ARHGAP18: variants seen among roughly 807,000 people sequenced by gnomAD.
ARHGAP18 encodes the protein Rho GTPase activating protein 18, also known as rho GTPase-activating protein 18.
In ARHGAP18, 67 loss-of-function variants were observed where a neutral mutation model predicts 86.2. The observed-to-expected ratio is 0.78, with a 90% CI of 0.64 to 0.95. ARHGAP18 has a LOEUF of 0.95. ARHGAP18 is among the 40% of genes least tolerant of loss of function. The pLI is 0.00. For synonymous variants in ARHGAP18, 283 were observed against 280.4 expected (o/e 1.01, Z -0.09); for missense variants, 691 against 780.4 (o/e 0.89, Z 1.37).
At chr6:129,619,601 G>A (rs998009384) in intron 5 of ARHGAP18, among the ~76,000 whole-genome samples, 9 of 118,942 alleles carry the variant, frequency 7.6e-5, no homozygotes, top group Non-Finnish European at 1.6e-4. Flanking sequence ...CAGGGAAGGG[G>A]AGAGGGAAAA....
At position 129,599,261 on chromosome 6, in the gene ARHGAP18, A is replaced by G. The variant is rs1369262971; in HGVS notation, c.1668T>C (p.Ala556=). The change falls in exon 12 of 15, where the codon GCT becomes GCC. Residue 556 remains alanine (A), a synonymous_variant. Transcript: ENST00000368149. ...RAMKKLLKKM[A]YDREKYEKQD... ...GCTTTTCATATTTTTCTCGGTCATA[A>G]GCCATTTTCTTCAGCAATTTCTTCA... 1 of 1,592,752 alleles carries G rather than the reference A, an allele frequency of 6.3e-7. No individual in the cohort carries two copies. The highest frequency in any genetic ancestry group is 8.5e-7 in the Non-Finnish European group (1 of 1,172,762).
At chr6:129,660,492 G>A (rs1433101112) in intron 1 of ARHGAP18, among the ~76,000 whole-genome samples, 1 of 113,222 alleles carries the variant, frequency 8.8e-6, no homozygotes, top group African/African-American at 3.9e-5. Context: ...AGAAAGTGAA[G>A]ATAGGAAAAA....
chr6:129,690,992 G>T (rs1774517777), intron 1 of ARHGAP18, among the ~76,000 whole-genome samples: 1 of 152,056 alleles, frequency 6.6e-6, no homozygotes, highest in Non-Finnish European at 1.5e-5. Context: ...CATAACAATT[G>T]TTTTGCATCT....
chr6:129,613,026 G>A (rs1246103559), intron 7 of ARHGAP18, among the ~76,000 whole-genome samples: 1 of 152,064 alleles, frequency 6.6e-6, no homozygotes, highest in East Asian at 1.9e-4. Context: ...AAGGTCAGGA[G>A]ATCGAGACCA....
intron 1 of ARHGAP18, chr6:129,661,954 T>C (rs1773961603): frequency 1.0e-6 from 1 of 980,404 alleles, no homozygotes; most frequent in African/African-American, 1.8e-5. Context: ...GTGACACTGT[T>C]GTCACTACCT....
At chr6:129,659,735 A>C (rs939305575) in intron 1 of ARHGAP18, among the ~76,000 whole-genome samples, 1 of 152,212 alleles carries the variant, frequency 6.6e-6, no homozygotes, top group Non-Finnish European at 1.5e-5. Flanking sequence ...GGTGTGAGCC[A>C]CCATGCCCGG....
chr6:129,629,603 AAACATTTGGG>A, intron 4 of ARHGAP18, 81 bp from the exon 5 acceptor site: 1 of 1,426,354 alleles, frequency 7.0e-7, no homozygotes, highest in East Asian at 2.4e-5. Flanking sequence ...CGCTACATAA[AAACATTTGGG>A]AAGAGTACTA....
At chr6:129,639,513 C>T (rs953680503) in intron 2 of ARHGAP18, among the ~76,000 whole-genome samples, 1 of 152,298 alleles carries the variant, frequency 6.6e-6, no homozygotes, top group South Asian at 2.1e-4. Flanking sequence ...CTAAAGCACA[C>T]CTCCTTCCAG....
At chr6:129,591,345 G>A (rs1216964028) in intron 12 of ARHGAP18, among the ~76,000 whole-genome samples, 1 of 151,852 alleles carries the variant, frequency 6.6e-6, no homozygotes, top group Non-Finnish European at 1.5e-5. Context: ...TTTTCCCATT[G>A]AGATAGGGGA....
At chr6:129,663,044 G>A (rs935787646) in intron 1 of ARHGAP18, among the ~76,000 whole-genome samples, 12 of 152,154 alleles carry the variant, frequency 7.9e-5, no homozygotes, top group Admixed American at 6.5e-4. Context: ...CCCATTTTAA[G>A]GATGAGGAAA....
chr6:129,623,006 CAAAAAA>C (rs57274879), intron 5 of ARHGAP18, among the ~76,000 whole-genome samples: 2 of 39,734 alleles, frequency 5.0e-5, no homozygotes, highest in Non-Finnish European at 1.3e-4. Context: ...CATCTCAAAA[CAAAAAA>C]AAAAAAAAAA....
chr6:129,665,618 G>C (rs540159676), intron 1 of ARHGAP18, among the ~76,000 whole-genome samples: 21 of 152,300 alleles, frequency 1.4e-4, no homozygotes, highest in African/African-American at 5.1e-4. Flanking sequence ...ACTATGTTCT[G>C]CGAAAGAACC....
rs1356136872 is a variant in ARHGAP18, at chr6:129,629,381, T to G, written c.758A>C (p.Lys253Thr). 1.9e-6 allele frequency: 3 copies of G among 1,613,716 alleles called. No homozygotes were observed. Among genetic ancestry groups the G allele is most frequent in the Non-Finnish European group, 2.5e-6 (3 of 1,179,928 alleles). ...TAATGTGGCATCATCGCCTTTGCTC[T>G]TCTGGATTTTCTCCTTGGAGCTCTC... ...QKESSKEKIQ[K>T]SKGDDATLPS... Residue 253 changes from lysine to threonine, a missense_variant, in exon 5 of 15, where the codon AAG becomes ACG. Transcript: ENST00000368149.
At chr6:129,695,802 T>C (rs1463720623) in intron 1 of ARHGAP18, among the ~76,000 whole-genome samples, 1 of 147,294 alleles carries the variant, frequency 6.8e-6, no homozygotes, top group Admixed American at 6.9e-5. Flanking sequence ...ATAAACGTGT[T>C]CTTATCTGAA....
At chr6:129,662,053 G>A (rs1224573752) in intron 1 of ARHGAP18, 1 of 259,358 alleles carries the variant, frequency 3.9e-6, no homozygotes, top group Non-Finnish European at 6.0e-6. Flanking sequence ...GCAGCTCTCT[G>A]AGGCATAATA....
At position 129,588,546 on chromosome 6, in the gene ARHGAP18, C is replaced by A. The variant is rs1788446331; in HGVS notation, c.1714-4434G>T. Among the ~76,000 whole-genome samples the A allele has an allele frequency of 2.0e-5, 3 of 152,226 alleles. No individual in the cohort carries two copies. In the South Asian group the frequency reaches 6.2e-4, roughly 31 times the overall value. ...CCTGTGGCTTTGCAGGGTACAGACC[C>A]CCTCCCGGCTGCTTTCACAGGCTGA... On this transcript the variant is annotated intron_variant, in intron 12 of 14. Coordinates refer to ENST00000368149, the MANE Select transcript of ARHGAP18 (RefSeq NM_033515.3).
intron 1 of ARHGAP18, among the ~76,000 whole-genome samples, chr6:129,665,570 T>A (rs73592475): frequency 0.014 from 2,075 of 152,024 alleles, 49 homozygotes; most frequent in African/African-American, 0.047. Context: ...AATAAATAAA[T>A]AAAAAATAAT....
intron 12 of ARHGAP18, chr6:129,596,800 T>C (rs1306032718): frequency 6.6e-6 from 1 of 152,158 alleles, no homozygotes; most frequent in Non-Finnish European, 1.5e-5. Context: ...GCAAAGTAGA[T>C]GGTCCATGTT....
At chr6:129,597,149 T>A (rs2037573308) in intron 12 of ARHGAP18, among the ~76,000 whole-genome samples, 1 of 132,532 alleles carries the variant, frequency 7.5e-6, no homozygotes, top group African/African-American at 2.8e-5. Flanking sequence ...TTGATTAGAA[T>A]TTTTTTTTTT....
Sources: allele counts gnomAD v4.1 joint callset (sites outside exome capture counted in the v4.1 genomes callset), GRCh38; gene constraint gnomAD v4.1.1; transcripts MANE v1.5; gene names NCBI Gene and HGNC (gene_info 2026-07-23, HGNC 2026-07-21).